RIN3: variants seen among roughly 807,000 people sequenced by gnomAD.
RIN3 encodes RAB5 interacting protein 3.
RIN3 carries 54 observed loss-of-function variants against 76.3 expected under a neutral mutation model. The observed-to-expected ratio is 0.71, with a 90% CI of 0.57 to 0.89. RIN3 has a LOEUF of 0.89. RIN3 is among the 40% of genes least tolerant of loss of function. The pLI is 0.00. For missense variants in RIN3, 1,256 were observed against 1,322.1 expected (o/e 0.95, Z 0.78); for synonymous variants, 576 against 564.0 (o/e 1.02, Z -0.30).
intron 1 of RIN3, among the ~76,000 whole-genome samples, chr14:92,526,952 T>C (rs750965609): frequency 6.6e-6 from 1 of 152,030 alleles, no homozygotes; most frequent in Non-Finnish European, 1.5e-5. Flanking sequence ...AGGCAATGCC[T>C]GGGGTCCCTT....
intron 4 of RIN3, among the ~76,000 whole-genome samples, chr14:92,626,812 G>C (rs978715222): frequency 6.6e-6 from 1 of 152,082 alleles, no homozygotes; most frequent in African/African-American, 2.4e-5. Flanking sequence ...TCTGCCTAGG[G>C]GTTGGTTTTA....
At chr14:92,598,529 C>G (rs750657260) in intron 3 of RIN3, among the ~76,000 whole-genome samples, 3 of 152,206 alleles carry the variant, frequency 2.0e-5, no homozygotes, top group Non-Finnish European at 4.4e-5. Flanking sequence ...TGGAACCATG[C>G]TCACCCTCCT....
chr14:92,661,770 T>C (rs1210856039), intron 7 of RIN3, among the ~76,000 whole-genome samples: 2 of 92,024 alleles, frequency 2.2e-5, no homozygotes, highest in African/African-American at 9.0e-5. Flanking sequence ...AAAAATAGAA[T>C]TGTGCTCCCC....
intron 4 of RIN3, among the ~76,000 whole-genome samples, chr14:92,630,250 G>A (rs1210958306): frequency 1.3e-5 from 2 of 152,194 alleles, no homozygotes; most frequent in Non-Finnish European, 2.9e-5. Context: ...CAGCACTTTA[G>A]GAGGCCGAGG....
intron 1 of RIN3, among the ~76,000 whole-genome samples, chr14:92,522,268 T>A (rs747934028): frequency 0.038 from 5,742 of 152,246 alleles, 155 homozygotes; most frequent in Non-Finnish European, 0.063. Flanking sequence ...GATGATGTTC[T>A]TGTCTCTTTG....
At position 92,578,988 on chromosome 14, in the gene RIN3, C is replaced by T. The variant is rs924322574; in HGVS notation, c.367+1511C>T. On this transcript the variant is annotated intron_variant, in intron 3 of 9. Transcript: ENST00000216487. ...TGTTGCCCAGGTTGGAGTACAATGG[C>T]GTGATCTTGGCTCACTGCAACCTCC... Among the ~76,000 whole-genome samples, 3 of 151,546 alleles carry T rather than the reference C, an allele frequency of 2.0e-5. No individual in the cohort carries two copies. The South Asian group carries it at 6.3e-4, about 32-fold the overall frequency.
intron 4 of RIN3, among the ~76,000 whole-genome samples, chr14:92,625,039 G>A (rs139504412): frequency 1.3e-4 from 20 of 152,314 alleles, no homozygotes; most frequent in Admixed American, 1.0e-3. Flanking sequence ...CAGCGTTTGC[G>A]CTAAGAGACC....
intron 4 of RIN3, among the ~76,000 whole-genome samples, chr14:92,638,451 G>GACTGCAGCTGCA (rs1466860625): frequency 1.3e-5 from 2 of 152,324 alleles, no homozygotes; most frequent in Admixed American, 6.5e-5. Context: ...TCTGGGGTGT[G>GACTGCAGCTGCA]ACTGCAGCTG....
At chr14:92,553,189 G>C (rs1441557247) in intron 1 of RIN3, among the ~76,000 whole-genome samples, 2 of 152,148 alleles carry the variant, frequency 1.3e-5, no homozygotes, top group East Asian at 3.9e-4. Context: ...TCGTGGCAAA[G>C]AAGAAATGAA....
intron 2 of RIN3, among the ~76,000 whole-genome samples, chr14:92,563,548 C>T (rs1043954208): frequency 7.9e-5 from 12 of 152,090 alleles, no homozygotes; most frequent in South Asian, 4.1e-4. Flanking sequence ...AGCTCTGAGA[C>T]GGTAAGAAAC....
At chr14:92,614,197 T>G (rs954332049) in intron 3 of RIN3, among the ~76,000 whole-genome samples, 1 of 152,208 alleles carries the variant, frequency 6.6e-6, no homozygotes, top group African/African-American at 2.4e-5. Context: ...CTGTAAAACA[T>G]CAGGGTAGCC....
intron 2 of RIN3, 86 bp from the exon 3 acceptor site, chr14:92,577,274 C>T: frequency 1.2e-6 from 1 of 850,438 alleles, no homozygotes; most frequent in Non-Finnish European, 2.0e-6. Flanking sequence ...CAGGAACCTT[C>T]CAGATGACTT....
At chr14:92,530,702 C>G (rs1896860136) in intron 1 of RIN3, among the ~76,000 whole-genome samples, 1 of 151,974 alleles carries the variant, frequency 6.6e-6, no homozygotes, top group African/African-American at 2.4e-5. Flanking sequence ...TGCCCTAGCC[C>G]CTGAACTCCC....
At chr14:92,624,365 G>A (rs1185159994) in intron 4 of RIN3, among the ~76,000 whole-genome samples, 1 of 152,176 alleles carries the variant, frequency 6.6e-6, no homozygotes, top group South Asian at 2.1e-4. Context: ...ACGGTTTAGG[G>A]TGGGGGAGGA....
intron 8 of RIN3, 130 bp downstream of exon 8, chr14:92,676,736 C>T (rs1348120990): frequency 9.3e-6 from 9 of 971,710 alleles, no homozygotes; most frequent in Admixed American, 2.2e-5. Flanking sequence ...CCCATGGATG[C>T]AAATGTGAAT....
chr14:92,624,261 G>T (rs2140112804), intron 4 of RIN3, among the ~76,000 whole-genome samples: 1 of 152,330 alleles, frequency 6.6e-6, no homozygotes, highest in East Asian at 1.9e-4. Context: ...GAAGAGGATA[G>T]ACGTGGAGAT....
intron 4 of RIN3, among the ~76,000 whole-genome samples, chr14:92,630,461 C>T (rs1427758407): frequency 6.6e-6 from 1 of 152,222 alleles, no homozygotes; most frequent in East Asian, 1.9e-4. Context: ...CACTGCACTC[C>T]AGCCTGAGCA....
At chr14:92,635,847 T>C (rs924514432) in intron 4 of RIN3, among the ~76,000 whole-genome samples, 27 of 152,164 alleles carry the variant, frequency 1.8e-4, no homozygotes, top group African/African-American at 6.5e-4. Flanking sequence ...AGGGCGAGTC[T>C]GTCTCAAAAA....
chr14:92,605,796 A>G (rs1320135653), intron 3 of RIN3, among the ~76,000 whole-genome samples: 2 of 152,238 alleles, frequency 1.3e-5, no homozygotes, highest in Non-Finnish European at 2.9e-5. Context: ...ATAAAATTAC[A>G]GAGAGGACTT....
Sources: allele counts gnomAD v4.1 joint callset (sites outside exome capture counted in the v4.1 genomes callset), GRCh38; gene constraint gnomAD v4.1.1; transcripts MANE v1.5; gene names NCBI Gene and HGNC (gene_info 2026-07-23, HGNC 2026-07-21).